ADAM23: variants seen among roughly 807,000 people sequenced by gnomAD.
The protein encoded by ADAM23 is ADAM metallopeptidase domain 23.
A neutral mutation model predicts 120.1 loss-of-function variants in ADAM23; 33 were observed. The ratio of observed to expected loss-of-function variants is 0.27; its 90% CI spans 0.21 to 0.37. The LOEUF is 0.37. Ranked by LOEUF, ADAM23 falls within the 10% of genes least tolerant of loss-of-function variation. The pLI, the probability that ADAM23 is intolerant of heterozygous loss-of-function variation, is 1.00. For missense variants in ADAM23, 862 were observed against 1,058.2 expected (o/e 0.81, Z 2.57); for synonymous variants, 367 against 375.2 (o/e 0.98, Z 0.25).
chr2:206,479,978 A>G (rs909840838), intron 2 of ADAM23, among the ~76,000 whole-genome samples: 2 of 152,160 alleles, frequency 1.3e-5, no homozygotes, highest in African/African-American at 4.8e-5. Flanking sequence ...AAAGATCTTG[A>G]CAATGAATAT....
intron 25 of ADAM23, among the ~76,000 whole-genome samples, 165 bp from the exon 26 acceptor site, chr2:206,617,410 TTCTG>T (rs1698955074): frequency 6.6e-6 from 1 of 152,194 alleles, no homozygotes; most frequent in African/African-American, 2.4e-5. Flanking sequence ...ACATTAGCTG[TTCTG>T]TCTTTCAATT....
At chr2:206,597,178 C>CT (rs1173847537) in intron 24 of ADAM23, among the ~76,000 whole-genome samples, 7,851 of 126,110 alleles carry the variant, frequency 0.062, 408 homozygotes, top group Middle Eastern at 0.088. Flanking sequence ...CTTACATCAT[C>CT]TTTTTTTTTT....
chr2:206,515,797 C>G (rs1696717624), intron 3 of ADAM23, among the ~76,000 whole-genome samples: 2 of 151,910 alleles, frequency 1.3e-5, no homozygotes, highest in Non-Finnish European at 2.9e-5. Context: ...TTTGTTCTCT[C>G]TGTGCTTTTC....
intron 2 of ADAM23, among the ~76,000 whole-genome samples, chr2:206,476,022 G>GT (rs1316621871): frequency 6.6e-6 from 1 of 152,098 alleles, no homozygotes; most frequent in Non-Finnish European, 1.5e-5. Context: ...AATAAACATT[G>GT]TTTTTTCTAT....
rs770460555 is a variant in ADAM23 at position 206,445,383 on chromosome 2, C to A, written c.291C>A (p.Ser97Arg). 1.4e-5 allele frequency: 23 copies of A among 1,613,972 alleles called. No homozygotes were observed. The highest frequency in any genetic ancestry group is 1.9e-5 in the Non-Finnish European group (22 of 1,179,958). Reference sequence around the variant, plus strand: ...AAGACAATACATTGCAACAGAATAGCAGCAGTAATATCAGTTACAGCAATG... The same window carrying A: ...AAGACAATACATTGCAACAGAATAGAAGCAGTAATATCAGTTACAGCAATG... ...ADEDNTLQQN[S>R]SSNISYSNAM... is the part of the protein sequence containing the mutation. Residue 97 changes from serine (S) to arginine (R), a missense_variant, in exon 2 of 26, where the codon AGC becomes AGA. Ser to Arg is a moderately radical substitution (Grantham distance 110, BLOSUM62 -1). This residue lies in a region of ADAM23 where 225 missense variants were observed against 204.0 expected (regional missense o/e 1.10). Coordinates refer to ENST00000264377, the MANE Select transcript of ADAM23 (RefSeq NM_003812.4).
At chr2:206,473,572 A>AAATAATAAT (rs137861771) in intron 2 of ADAM23, among the ~76,000 whole-genome samples, 6,308 of 147,132 alleles carry the variant, frequency 0.043, 160 homozygotes, top group Middle Eastern at 0.063. Flanking sequence ...CCCATCTCTA[A>AAATAATAAT]AATAATAATA....
chr2:206,474,717 G>T (rs1202872484), intron 2 of ADAM23, among the ~76,000 whole-genome samples: 1 of 152,060 alleles, frequency 6.6e-6, no homozygotes, highest in African/African-American at 2.4e-5. Context: ...TGGGACTAGA[G>T]GCATGCACCA....
intron 3 of ADAM23, among the ~76,000 whole-genome samples, chr2:206,505,647 G>T (rs956246835): frequency 6.6e-6 from 1 of 152,162 alleles, no homozygotes; most frequent in Non-Finnish European, 1.5e-5. Flanking sequence ...CACGAAAACA[G>T]CACTAAAGAG....
intron 22 of ADAM23, 146 bp downstream of exon 22, chr2:206,592,882 T>C (rs1698452065): frequency 1.9e-6 from 2 of 1,043,692 alleles, no homozygotes; most frequent in Admixed American, 5.6e-5. Flanking sequence ...CCTTTCATAT[T>C]GACAGTCACT....
At chr2:206,573,262 C>G (rs1213083641) in intron 18 of ADAM23, 67 bp downstream of exon 18, 2 of 1,437,698 alleles carry the variant, frequency 1.4e-6, no homozygotes, top group Non-Finnish European at 2.0e-6. Context: ...TACCACAGTG[C>G]TTGGGGCCAG....
At chr2:206,557,076 C>T (rs562497958) in intron 9 of ADAM23, among the ~76,000 whole-genome samples, 3 of 152,046 alleles carry the variant, frequency 2.0e-5, no homozygotes, top group African/African-American at 4.8e-5. Flanking sequence ...TTCAGAACAT[C>T]GTAGGTTTTT....
chr2:206,551,396 A>G (rs1302290427), intron 9 of ADAM23, among the ~76,000 whole-genome samples: 1 of 152,184 alleles, frequency 6.6e-6, no homozygotes, highest in East Asian at 1.9e-4. Flanking sequence ...TATGTGATTG[A>G]ACTTTAAAAG....
intron 9 of ADAM23, among the ~76,000 whole-genome samples, chr2:206,556,436 C>T (rs1305612431): frequency 6.6e-6 from 1 of 152,100 alleles, no homozygotes; most frequent in Non-Finnish European, 1.5e-5. Context: ...GCATTATTTT[C>T]ATAATTATAA....
chr2:206,591,059 C>T (rs1374641722), intron 21 of ADAM23, among the ~76,000 whole-genome samples: 2 of 152,114 alleles, frequency 1.3e-5, no homozygotes, highest in East Asian at 1.9e-4. Context: ...TGACCAGACA[C>T]GATGGCTTAT....
In ADAM23 at chr2:206,620,532, C is replaced by CT. The variant is rs1314115158; in HGVS notation, c.*2911dup. 2.0e-5 allele frequency: 3 copies of CT among 151,784 alleles called. No homozygotes were observed. The highest frequency in any genetic ancestry group is 1.3e-4 in the Admixed American group (2 of 15,226). The allele number at this position is 151,784 out of a possible 1,614,324, so 9.4% of individuals were successfully genotyped here. ...TGCTAATTTTTGTGGCGTGGAGATT[C>CT]TTTTTTATTAATTTGAGCTCACAGC... On this transcript the variant is annotated 3_prime_UTR_variant, in exon 26 of 26. Coordinates refer to ENST00000264377, the MANE Select transcript of ADAM23 (RefSeq NM_003812.4).
At chr2:206,565,184 A>G in intron 14 of ADAM23, 116 bp downstream of exon 14, 2 of 800,964 alleles carry the variant, frequency 2.5e-6, no homozygotes, top group East Asian at 2.6e-5. Context: ...TATAAAATGA[A>G]TAATTAATTG....
At chr2:206,464,834 C>G (rs920168315) in intron 2 of ADAM23, among the ~76,000 whole-genome samples, 15 of 152,030 alleles carry the variant, frequency 9.9e-5, no homozygotes, top group African/African-American at 3.4e-4. Flanking sequence ...CCACAGGGCA[C>G]AGGACAGTCC....
chr2:206,614,421 G>T (rs921389232), intron 25 of ADAM23, among the ~76,000 whole-genome samples: 2 of 53,084 alleles, frequency 3.8e-5, no homozygotes, highest in African/African-American at 1.7e-4. Context: ...ATCCCAGGCT[G>T]AGGTGGACAG....
chr2:206,544,171 G>GTT (rs537378206), intron 6 of ADAM23, among the ~76,000 whole-genome samples: 113 of 152,250 alleles, frequency 7.4e-4, no homozygotes, highest in African/African-American at 2.6e-3. Context: ...AGACAATTGT[G>GTT]TGACTATAAG....
Sources: gnomAD v4.1 joint callset for allele counts (sites outside exome capture counted in the v4.1 genomes callset) on GRCh38, gnomAD v4.1.1 for gene constraint, gnomAD v4.1.1 regional missense constraint, MANE v1.5 for transcripts, NCBI Gene and HGNC (gene_info 2026-07-23, HGNC 2026-07-21) for gene names.